The following MEF2A variants were observed in gnomAD, a reference collection of about 807,000 sequenced individuals.
MEF2A encodes the protein myocyte-specific enhancer factor 2A.
Under a neutral mutation model 55.8 loss-of-function variants are expected in MEF2A, and 28 were observed. The ratio of observed to expected loss-of-function variants is 0.50; its 90% CI spans 0.37 to 0.69. The LOEUF (loss-of-function observed/expected upper bound fraction) is 0.69, where lower values mean the gene tolerates loss of function less well. Ranked by LOEUF, MEF2A falls within the 30% of genes least tolerant of loss-of-function variation. MEF2A has a pLI of 0.00. For missense variants in MEF2A, 528 were observed against 626.2 expected (o/e 0.84, Z 1.67); for synonymous variants, 239 against 227.1 (o/e 1.05, Z -0.47).
At chr15:99,648,703 A>C (rs1183812674) in intron 4 of MEF2A, among the ~76,000 whole-genome samples, 1 of 152,110 alleles carries the variant, frequency 6.6e-6, no homozygotes, top group African/African-American at 2.4e-5. Flanking sequence ...TATATTACTG[A>C]AATATGCTTT....
chr15:99,617,053 T>C (rs1325037873), intron 2 of MEF2A, among the ~76,000 whole-genome samples: 3 of 152,228 alleles, frequency 2.0e-5, no homozygotes, highest in Non-Finnish European at 4.4e-5. Flanking sequence ...CATGTGATTA[T>C]GATCTGTGTA....
Position 99,598,730 on chromosome 15 carries a change from A to C in MEF2A, c.-143+219A>C, listed in dbSNP as rs777242688. ...CTTATATTTTGTCTGACGCTGCTGAAATCATCTCATATTTTTTCATCTTTC... is the reference window on the plus strand; with the variant it reads ...CTTATATTTTGTCTGACGCTGCTGACATCATCTCATATTTTTTCATCTTTC... On this transcript the variant is annotated intron_variant, in intron 2 of 11. Coordinates refer to ENST00000557942, the MANE Select transcript of MEF2A (RefSeq NM_001319206.4). 3.9e-5 allele frequency among the ~76,000 whole-genome samples: 6 copies of C among 152,136 alleles called. No individual in the cohort carries two copies. The South Asian group carries it at 8.3e-4, about 21-fold the overall frequency.
chr15:99,688,888 CTG>C (rs1481411614), intron 7 of MEF2A, among the ~76,000 whole-genome samples: 2 of 152,182 alleles, frequency 1.3e-5, no homozygotes, highest in East Asian at 1.9e-4. Context: ...CATCCAGTCA[CTG>C]TGGTGAGCGA....
At chr15:99,694,665 CT>C (rs1475069661) in intron 8 of MEF2A, among the ~76,000 whole-genome samples, 1 of 152,198 alleles carries the variant, frequency 6.6e-6, no homozygotes, top group Non-Finnish European at 1.5e-5. Context: ...CTTTCTCCCG[CT>C]TTTCATACTG....
At chr15:99,691,100 G>GTGT (rs1555496430) in intron 8 of MEF2A, among the ~76,000 whole-genome samples, 2 of 122,912 alleles carry the variant, frequency 1.6e-5, no homozygotes, top group Admixed American at 8.6e-5. Flanking sequence ...TTCGAATCAG[G>GTGT]TTTTTTTTTT....
At chr15:99,642,478 C>G (rs186127299) in intron 3 of MEF2A, among the ~76,000 whole-genome samples, 10 of 151,810 alleles carry the variant, frequency 6.6e-5, no homozygotes, top group African/African-American at 2.4e-4. Flanking sequence ...TTTTAGTTTT[C>G]TGTTTTGATT....
At chr15:99,672,822 A>G in intron 5 of MEF2A, among the ~76,000 whole-genome samples, 1 of 152,128 alleles carries the variant, frequency 6.6e-6, no homozygotes, top group East Asian at 1.9e-4. Context: ...TTTATACAAT[A>G]TTTTTCATAA....
intron 2 of MEF2A, among the ~76,000 whole-genome samples, chr15:99,616,780 T>G (rs982568751): frequency 6.6e-6 from 1 of 152,134 alleles, no homozygotes; most frequent in South Asian, 2.1e-4. Flanking sequence ...AGTAATGTTA[T>G]ATTTGGTTTT....
chr15:99,579,219 C>T (rs952894772), intron 1 of MEF2A, among the ~76,000 whole-genome samples: 4 of 151,548 alleles, frequency 2.6e-5, no homozygotes. Context: ...TTCTGATTCA[C>T]GGTAGTTTTC....
chr15:99,611,870 C>A (rs1281484572), intron 2 of MEF2A, among the ~76,000 whole-genome samples: 9 of 152,006 alleles, frequency 5.9e-5, no homozygotes, highest in Admixed American at 5.9e-4. Context: ...ATGTTATAAC[C>A]CAGATGAACC....
intron 4 of MEF2A, among the ~76,000 whole-genome samples, chr15:99,652,556 TA>T (rs2047034014): frequency 6.6e-6 from 1 of 152,128 alleles, no homozygotes; most frequent in Admixed American, 6.5e-5. Flanking sequence ...ACACTGCAGT[TA>T]GTGTACGAAG....
chr15:99,700,209 C>CAT (rs1289257268), intron 8 of MEF2A, among the ~76,000 whole-genome samples: 2 of 141,096 alleles, frequency 1.4e-5, no homozygotes, highest in Admixed American at 7.0e-5. Context: ...CACACACACA[C>CAT]ACACATATGT....
intron 8 of MEF2A, among the ~76,000 whole-genome samples, chr15:99,696,893 C>T (rs1224479557): frequency 6.6e-6 from 1 of 151,964 alleles, no homozygotes; most frequent in Admixed American, 6.6e-5. Flanking sequence ...GAACTCTAGA[C>T]ACAAAAATCC....
chr15:99,656,097 G>T (rs1178140669), intron 4 of MEF2A, among the ~76,000 whole-genome samples: 1 of 152,060 alleles, frequency 6.6e-6, no homozygotes, highest in Non-Finnish European at 1.5e-5. Context: ...TAAATTAAGA[G>T]TATTTATGAT....
Position 99,674,555 on chromosome 15 carries a change from T to G in MEF2A, c.553T>G (p.Leu185Val), listed in dbSNP as rs772196260. 1.9e-6 allele frequency: 3 copies of G among 1,613,952 alleles called. No individual in the cohort carries two copies. The highest frequency in any genetic ancestry group is 1.7e-6 in the Non-Finnish European group (2 of 1,179,882). Residue 185 changes from leucine to valine, a missense_variant, in exon 6 of 12, where the codon TTA becomes GTA. Physicochemically the swap from Leu to Val is conservative, Grantham distance 32. Coordinates refer to ENST00000557942, the MANE Select transcript of MEF2A (RefSeq NM_001319206.4). ...CATGCTCTCTCCACCTCAAACCACA[T>G]TACATAGAAATGTGTCTCCTGGAGC... ...SSMLSPPQTT[L>V]HRNVSPGAPQ...
intron 4 of MEF2A, among the ~76,000 whole-genome samples, chr15:99,664,244 G>C (rs2049181168): frequency 1.3e-5 from 2 of 152,110 alleles, no homozygotes; most frequent in Admixed American, 1.3e-4. Context: ...TGATTATAAG[G>C]GATAGAAACC....
intron 1 of MEF2A, among the ~76,000 whole-genome samples, chr15:99,592,967 G>A (rs1053300631): frequency 1.3e-5 from 2 of 152,164 alleles, no homozygotes; most frequent in Non-Finnish European, 2.9e-5. Context: ...TTAAATATCA[G>A]TTACATCCTG....
intron 4 of MEF2A, among the ~76,000 whole-genome samples, chr15:99,669,083 A>G (rs2050358848): frequency 6.6e-6 from 1 of 152,234 alleles, no homozygotes; most frequent in South Asian, 2.1e-4. Context: ...CTCTTGTAGA[A>G]TAAAAATTGC....
At chr15:99,689,308 A>G (rs953341980) in intron 7 of MEF2A, among the ~76,000 whole-genome samples, 1 of 152,258 alleles carries the variant, frequency 6.6e-6, no homozygotes, top group Non-Finnish European at 1.5e-5. Flanking sequence ...TGAGTGCTGA[A>G]TAAGCTGCAG....
Sources: gnomAD v4.1 joint callset for allele counts (sites outside exome capture counted in the v4.1 genomes callset) on GRCh38, gnomAD v4.1.1 for gene constraint, MANE v1.5 for transcripts, NCBI Gene and HGNC (gene_info 2026-07-23, HGNC 2026-07-21) for gene names.